The following GRAMD1A variants were observed in gnomAD, a reference collection of about 807,000 sequenced individuals.
GRAMD1A encodes protein Aster-A.
In GRAMD1A, 50 loss-of-function variants were observed where a neutral mutation model predicts 92.0. The ratio of observed to expected loss-of-function variants is 0.54; its 90% CI spans 0.43 to 0.69. GRAMD1A has a LOEUF of 0.69. Among genes scored for constraint, GRAMD1A ranks in the 30% least tolerant of loss-of-function variants. The pLI, the probability that GRAMD1A is intolerant of heterozygous loss-of-function variation, is 0.00. For synonymous variants in GRAMD1A, 405 were observed against 403.6 expected (o/e 1.00, Z -0.04); for missense variants, 819 against 978.9 (o/e 0.84, Z 2.18).
rs1182179772 is a variant in GRAMD1A, at chr19:35,013,108, T to G, written c.607-148T>G. The G allele has an allele frequency of 6.8e-6, 4 of 584,248 alleles. No homozygotes were observed. Among genetic ancestry groups the G allele is most frequent in the Non-Finnish European group, 1.2e-5 (4 of 323,850 alleles). 36.2% of individuals were successfully genotyped at this position (584,248 alleles called of 1,614,324 possible). A position where few individuals can be genotyped will look rare whatever the true frequency, so the allele number is the denominator to read the frequency against. On this transcript the variant is annotated intron_variant, in intron 7 of 19. Coordinates refer to ENST00000317991, the MANE Select transcript of GRAMD1A (RefSeq NM_020895.5). This position sits in a 1 kb window ranked among gnomAD's most constrained non-coding sequence, Gnocchi z 4.9. ...GGGCTGTAGCAGGGGATTCCCCGCT[T>G]GCTGAGGCCAGGTCTGGTGCGGGAG...
intron 11 of GRAMD1A, among the ~76,000 whole-genome samples, chr19:35,016,309 G>A (rs113745235): frequency 0.036 from 4,614 of 129,210 alleles, 239 homozygotes; most frequent in African/African-American, 0.13. Context: ...TTAAGAGGCT[G>A]AGGCGGGGCT....
chr19:35,014,268 C>T lies in GRAMD1A; in HGVS notation c.950C>T (p.Pro317Leu). 1.2e-6 allele frequency: 2 copies of T among 1,614,118 alleles called. No individual in the cohort carries two copies. Among genetic ancestry groups the T allele is most frequent in the Non-Finnish European group, 8.5e-7 (1 of 1,179,956 alleles). Residue 317 changes from proline (P) to leucine (L), a missense_variant, in exon 10 of 20, where the codon CCC becomes CTC. Pro to Leu is a moderately conservative substitution (Grantham distance 98). Around this residue, in one of 3 missense-constraint regions of GRAMD1A, gnomAD observed 577 missense variants for 674.6 expected, o/e 0.86. Coordinates refer to ENST00000317991, the MANE Select transcript of GRAMD1A (RefSeq NM_020895.5). The stretch of plus-strand genomic sequence containing the variant: ...CAGACAGTGACCCCGGTGGCTGAAC[C>T]CCCGAGCACAGAGCCCACCCAGCCT... ...SSQTVTPVAE[P>L]PSTEPTQPDG...
chr19:35,010,031 C>T (rs983619691), intron 4 of GRAMD1A, 59 bp downstream of exon 4: 28 of 1,521,134 alleles, frequency 1.8e-5, no homozygotes, highest in Admixed American at 1.3e-4. Context: ...TCCGCCAGCC[C>T]GCGGGCGCCG....
At position 35,023,484 on chromosome 19, in the gene GRAMD1A, C is replaced by T. The variant is rs763234158; in HGVS notation, c.2019C>T (p.Phe673=). The T allele has an allele frequency of 6.3e-7, 1 of 1,588,062 alleles. No homozygotes were observed. ...AGATCCTGGCGCTGCAGAAGCAATT[C>T]CACAGCGTGGAGGTGCACAAGTGGA... ...WAEILALQKQ[F]HSVEVHKWRQ... is the part of the protein sequence containing the mutation. Residue 673 remains phenylalanine, a synonymous_variant, in exon 19 of 20, where the codon TTC becomes TTT. Transcript: ENST00000317991.
chr19:35,009,637 C>A, intron 3 of GRAMD1A, 194 bp downstream of exon 3: 1 of 666,996 alleles, frequency 1.5e-6, no homozygotes, highest in South Asian at 1.8e-5. Context: ...TCTCTCTGTC[C>A]TTGAGAAACA....
At chr19:34,996,415 C>A, upstream of GRAMD1A, 1 of 715,570 alleles carries the variant, frequency 1.4e-6, no homozygotes, top group Non-Finnish European at 2.2e-6. Flanking sequence ...AGGGCTGACT[C>A]AAAGCCACGA....
chr19:35,009,715 GC>G, intron 3 of GRAMD1A, 172 bp from the exon 4 acceptor site: 1 of 644,854 alleles, frequency 1.6e-6, no homozygotes, highest in Non-Finnish European at 2.8e-6. Context: ...TTGGTACGGG[GC>G]CCGGCTTACA....
chr19:35,025,529 G>T (rs912280535), intron 19 of GRAMD1A, among the ~76,000 whole-genome samples: 13 of 152,304 alleles, frequency 8.5e-5, no homozygotes, highest in African/African-American at 3.1e-4. Context: ...CACGCATGAG[G>T]CACTGTGCCC....
upstream of GRAMD1A, chr19:35,000,040 C>G: frequency 1.0e-6 from 1 of 985,062 alleles, no homozygotes; most frequent in South Asian, 4.7e-5. This position sits in a 1 kb window ranked among gnomAD's most constrained non-coding sequence, Gnocchi z 4.9. Context: ...TTGCTAGGGA[C>G]CCTTTTCTAG....
rs1231299670 is a variant in GRAMD1A, at chr19:35,019,485, C to A, written c.1427C>A (p.Ala476Asp). 13 of 1,613,814 alleles carry A rather than the reference C, an allele frequency of 8.1e-6. No individual in the cohort carries two copies. The highest frequency in any genetic ancestry group is 9.3e-6 in the Non-Finnish European group (11 of 1,179,846). ...GIPYQDYFYT[A>D]HRYCILGLAR... ...CCCTACCAGGACTACTTCTACACTG[C>A]CCACCGCTACTGCATCCTGGGTCTG... Residue 476 changes from alanine to aspartate, a missense_variant, in exon 13 of 20, where the codon GCC becomes GAC. Physicochemically the swap from Ala to Asp is moderately radical, Grantham distance 126. Coordinates refer to ENST00000317991, the MANE Select transcript of GRAMD1A (RefSeq NM_020895.5).
chr19:35,024,636 G>A (rs1445623685), intron 19 of GRAMD1A, among the ~76,000 whole-genome samples: 1 of 151,966 alleles, frequency 6.6e-6, no homozygotes, highest in Non-Finnish European at 1.5e-5. Context: ...TTCCATATCA[G>A]AAGGCTCATC....
At chr19:35,011,448 C>A in intron 6 of GRAMD1A, 26 bp from the exon 7 acceptor site, 1 of 1,429,594 alleles carries the variant, frequency 7.0e-7, no homozygotes, top group Non-Finnish European at 9.6e-7. Flanking sequence ...CCTGCTCACA[C>A]CTCTCTCTCT....
At chr19:35,006,585 CTGTT>C (rs1384323763) in intron 1 of GRAMD1A, among the ~76,000 whole-genome samples, 1 of 152,228 alleles carries the variant, frequency 6.6e-6, no homozygotes, top group African/African-American at 2.4e-5. Context: ...TGGGAGTGTC[CTGTT>C]TGTTCAGTGT....
Position 35,014,147 on chromosome 19 carries a change from G to A in GRAMD1A, c.871-42G>A, listed in dbSNP as rs771030842. 1.2e-5 allele frequency: 19 copies of A among 1,561,846 alleles called. No homozygotes were observed. In the African/African-American group the frequency reaches 2.4e-4, roughly 20 times the overall value. On this transcript the variant is annotated intron_variant, in intron 9 of 19. Transcript: ENST00000317991. Reference sequence around the variant, plus strand: ...GTGTGGACTTGGGAGCCCTGGGGCTGGGATGGAGGTGGCCAAGGCTGCATC... The same window carrying A: ...GTGTGGACTTGGGAGCCCTGGGGCTAGGATGGAGGTGGCCAAGGCTGCATC...
Position 35,000,394 on chromosome 19 carries a change from C to A in GRAMD1A, c.-85C>A. The A allele has an allele frequency of 8.7e-7, 1 of 1,150,260 alleles. No individual in the cohort carries two copies. The highest frequency in any genetic ancestry group is 1.1e-6 in the Non-Finnish European group (1 of 940,324). The allele number at this position is 1,150,260 out of a possible 1,614,324, so 71.3% of individuals were successfully genotyped here. A position where few individuals can be genotyped will look rare whatever the true frequency, so the allele number is the denominator to read the frequency against. ...GCCAGGCCGGTGCCCTGCGGGGACG[C>A]CCAGCGCAGCCCAGCCCCGCGCAGC... is the stretch of plus-strand genomic sequence containing the variant. On this transcript the variant is annotated 5_prime_UTR_variant, in exon 1 of 20. Transcript: ENST00000317991. This position sits in a 1 kb window ranked among gnomAD's most constrained non-coding sequence, Gnocchi z 4.9.
chr19:35,023,384 T>G, intron 18 of GRAMD1A, 41 bp downstream of exon 18: 1 of 1,613,200 alleles, frequency 6.2e-7, no homozygotes, highest in South Asian at 1.1e-5. Context: ...CTTGGGCACA[T>G]CGGGGGAGGC....
In GRAMD1A at chr19:35,022,828, G is replaced by A. The variant is rs985443632; in HGVS notation, c.1842-72G>A. Reference sequence around the variant, plus strand: ...TCAGCCAAGAGCTGCCCCGGGTGAGGAGGGCTGGGGGTGTCGGGGGCAGGC... The same window carrying A: ...TCAGCCAAGAGCTGCCCCGGGTGAGAAGGGCTGGGGGTGTCGGGGGCAGGC... On this transcript the variant is annotated intron_variant, in intron 16 of 19. Transcript: ENST00000317991. 8 of 1,523,358 alleles carry A rather than the reference G, an allele frequency of 5.3e-6. No individual in the cohort carries two copies. In the Admixed American group the frequency reaches 1.5e-4, roughly 29 times the overall value. The allele number at this position is 1,523,358 out of a possible 1,614,324, so 94.4% of individuals were successfully genotyped here. A position where few individuals can be genotyped will look rare whatever the true frequency, so the allele number is the denominator to read the frequency against.
chr19:35,016,090 A>C (rs969446989), intron 11 of GRAMD1A, 123 bp downstream of exon 11: 8 of 1,052,728 alleles, frequency 7.6e-6, no homozygotes, highest in Admixed American at 4.7e-5. Context: ...GTGAAAAGCA[A>C]TGTCTGTCAG....
At chr19:35,019,742 T>TC (rs762876133) in intron 13 of GRAMD1A, among the ~76,000 whole-genome samples, 1 of 152,116 alleles carries the variant, frequency 6.6e-6, no homozygotes, top group Non-Finnish European at 1.5e-5. Context: ...TGTTTGAGCC[T>TC]CAAGACTCTG....
Sources: allele counts gnomAD v4.1 joint callset (sites outside exome capture counted in the v4.1 genomes callset), GRCh38; gene constraint gnomAD v4.1.1; regional missense constraint gnomAD v4.1.1; non-coding constraint Gnocchi (gnomAD v3.1); transcripts MANE v1.5; gene names NCBI Gene and HGNC (gene_info 2026-07-23, HGNC 2026-07-21).